FAM25G: variants seen among roughly 807,000 people sequenced by gnomAD.
FAM25G encodes family with sequence similarity 25 member G.
FAM25G carries 3 observed loss-of-function variants against 6.4 expected under a neutral mutation model. The ratio of observed to expected loss-of-function variants is 0.47; its 90% confidence interval spans 0.21 to 1.21. The LOEUF (loss-of-function observed/expected upper bound fraction) is 1.21, where lower values mean the gene tolerates loss of function less well. FAM25G is among the 50% of genes most tolerant of loss of function. The pLI, the probability that FAM25G is intolerant of heterozygous loss-of-function variation, is 0.22. For synonymous variants in FAM25G, 15 were observed against 31.3 expected, an observed-to-expected ratio of 0.48 and a Z score of 1.74; for missense variants, 34 against 76.0, an observed-to-expected ratio of 0.45 and a Z score of 2.06.
At chr10:47,487,645 C>T (rs1215414312) in intron 2 of FAM25G, among the ~76,000 whole-genome samples, 1 of 143,230 alleles carries the variant, frequency 7.0e-6, no homozygotes, top group South Asian at 2.4e-4. Context: ...GCCTGCTTAT[C>T]CTTTTTTCTG....
intron 2 of FAM25G, among the ~76,000 whole-genome samples, chr10:47,488,940 C>T (rs1840096672): frequency 6.8e-6 from 1 of 147,852 alleles, no homozygotes. Context: ...TGGTCTGGAT[C>T]TCCTGACCTC....
intron 1 of FAM25G, among the ~76,000 whole-genome samples, 192 bp from the exon 2 acceptor site, chr10:47,489,840 G>A (rs1840115750): frequency 7.2e-6 from 1 of 138,126 alleles, no homozygotes; most frequent in Non-Finnish European, 1.5e-5. Flanking sequence ...ATACATCCCT[G>A]GGCATCCTAG....
chr10:47,489,135 A>G (rs1840101785), intron 2 of FAM25G, among the ~76,000 whole-genome samples: 1 of 149,990 alleles, frequency 6.7e-6, no homozygotes, highest in Non-Finnish European at 1.5e-5. Flanking sequence ...CTCCTGCCTC[A>G]GCCTCCCAAG....
chr10:47,489,179 G>A (rs1398308900), intron 2 of FAM25G, among the ~76,000 whole-genome samples: 4 of 144,478 alleles, frequency 2.8e-5, no homozygotes, highest in Non-Finnish European at 6.0e-5. Context: ...CACCATGCCC[G>A]GCTAATTTTT....
intron 1 of FAM25G, among the ~76,000 whole-genome samples, chr10:47,489,959 C>T (rs1489012121): frequency 7.3e-5 from 11 of 150,662 alleles, no homozygotes; most frequent in African/African-American, 1.2e-4. Flanking sequence ...TGCTGGGAGA[C>T]GAGCTCAATG....
intron 1 of FAM25G, chr10:47,490,222 G>T: frequency 5.7e-6 from 1 of 175,510 alleles, no homozygotes; most frequent in Non-Finnish European, 1.2e-5. Flanking sequence ...TTAAAGTGTG[G>T]GTGGTAGCGT....
At chr10:47,487,861 G>T (rs1355151857) in intron 2 of FAM25G, among the ~76,000 whole-genome samples, 3 of 148,976 alleles carry the variant, frequency 2.0e-5, no homozygotes, top group Non-Finnish European at 4.4e-5. Context: ...TTTTGTCATA[G>T]TTCTAAAGAT....
At chr10:47,487,860 A>G (rs1413790695) in intron 2 of FAM25G, among the ~76,000 whole-genome samples, 1 of 149,148 alleles carries the variant, frequency 6.7e-6, no homozygotes, top group African/African-American at 2.5e-5. Context: ...TTTTTGTCAT[A>G]GTTCTAAAGA....
At chr10:47,488,712 A>ATTTT (rs1840088979) in intron 2 of FAM25G, among the ~76,000 whole-genome samples, 13 of 95,976 alleles carry the variant, frequency 1.4e-4, no homozygotes, top group East Asian at 4.6e-4. Flanking sequence ...TTACATGTTA[A>ATTTT]ATTTTTTTTT....
At chr10:47,490,045 C>A (rs1298868298) in intron 1 of FAM25G, among the ~76,000 whole-genome samples, 62 of 149,778 alleles carry the variant, frequency 4.1e-4, no homozygotes, top group African/African-American at 1.5e-3. Context: ...GGCAGTCTTG[C>A]CAGCTGAGAC....
chr10:47,488,874 C>T (rs1256014502), intron 2 of FAM25G, among the ~76,000 whole-genome samples: 1 of 146,270 alleles, frequency 6.8e-6, no homozygotes, highest in African/African-American at 2.5e-5. Flanking sequence ...ACTACAGGTG[C>T]CCGCCACCGT....
At chr10:47,489,320 G>A (rs1455204721) in intron 2 of FAM25G, among the ~76,000 whole-genome samples, 1 of 147,318 alleles carries the variant, frequency 6.8e-6, no homozygotes. Flanking sequence ...ACCCTGCCAT[G>A]TTAAATGTTT....
At chr10:47,490,014 G>T (rs1208466813) in intron 1 of FAM25G, among the ~76,000 whole-genome samples, 2 of 150,154 alleles carry the variant, frequency 1.3e-5, no homozygotes, top group African/African-American at 2.5e-5. Flanking sequence ...GGCCCTGCCC[G>T]GCCTGGAATG....
rs1343377384 is a variant in FAM25G at position 47,487,238 on chromosome 10, T to C, written c.*37A>G. 24,646 of 1,221,732 alleles carry C rather than the reference T, an allele frequency of 0.02. 213 individuals carry two copies. The highest frequency in any genetic ancestry group is 0.028 in the Admixed American group (1,222 of 42,882). 75.7% of individuals were successfully genotyped at this position (1,221,732 alleles called of 1,614,324 possible). A position where few individuals can be genotyped will look rare whatever the true frequency, so the allele number is the denominator to read the frequency against. On this transcript the variant is annotated 3_prime_UTR_variant, in exon 3 of 3. Transcript: ENST00000452267. ...TCAATGTACACATGTCATGGCTTTT[T>C]ATTGAGACTGGGGAAGGGCCGTGGT... is the stretch of plus-strand genomic sequence containing the variant.
At chr10:47,489,324 A>T (rs1197809602) in intron 2 of FAM25G, among the ~76,000 whole-genome samples, 2 of 147,616 alleles carry the variant, frequency 1.4e-5, no homozygotes, top group African/African-American at 5.0e-5. Flanking sequence ...TGCCATGTTA[A>T]ATGTTTTGTC....
chr10:47,489,042 G>A (rs1485936731), intron 2 of FAM25G, among the ~76,000 whole-genome samples: 12 of 146,148 alleles, frequency 8.2e-5, no homozygotes, highest in Non-Finnish European at 1.3e-4. Flanking sequence ...TTTTGAGACC[G>A]AGTCTTGCTC....
At chr10:47,488,705 CAT>C (rs1840088633) in intron 2 of FAM25G, among the ~76,000 whole-genome samples, 1 of 109,356 alleles carries the variant, frequency 9.1e-6, no homozygotes, top group Non-Finnish European at 1.8e-5. Flanking sequence ...TAGAATTTTA[CAT>C]GTTAAATTTT....
chr10:47,487,437 G>A, intron 2 of FAM25G, 29 bp from the exon 3 acceptor site: 1 of 954,388 alleles, frequency 1.0e-6, no homozygotes, highest in Admixed American at 2.7e-5. Context: ...ATGTCCTAGT[G>A]ATCCACCTGC....
chr10:47,490,952 G>A (rs1401455172), intron 1 of FAM25G, among the ~76,000 whole-genome samples: 3,500 of 16,792 alleles, frequency 0.21, no homozygotes, highest in Non-Finnish European at 0.26. Context: ...TCAGGAGTTT[G>A]AGACCAGCCT....
Sources: allele counts gnomAD v4.1 joint callset (sites outside exome capture counted in the v4.1 genomes callset), GRCh38; gene constraint gnomAD v4.1.1; transcripts MANE v1.5; gene names NCBI Gene and HGNC (gene_info 2026-07-23, HGNC 2026-07-21).